MOK: variants seen among roughly 807,000 people sequenced by gnomAD.
MOK encodes the protein MAPK/MAK/MRK overlapping kinase.
A neutral mutation model predicts 54.2 loss-of-function variants in MOK; 59 were observed. That is an observed-to-expected ratio of 1.09 (90% confidence interval 0.88 to 1.35). The LOEUF (loss-of-function observed/expected upper bound fraction) is 1.35. Among genes scored for constraint, MOK ranks in the 40% most tolerant of loss-of-function variants. MOK has a pLI of 0.00. For missense variants in MOK, 517 were observed against 526.2 expected (o/e 0.98, Z 0.17); for synonymous variants, 210 against 202.7 (o/e 1.04, Z -0.31).
chr14:102,260,635 A>G (rs1435118378), intron 4 of MOK: 1 of 152,148 alleles, frequency 6.6e-6, no homozygotes, highest in Non-Finnish European at 1.5e-5. Flanking sequence ...TGTTGCTCAC[A>G]GCATCTCAGA....
chr14:102,269,671 C>G (rs540996553), intron 2 of MOK, among the ~76,000 whole-genome samples: 1 of 151,816 alleles, frequency 6.6e-6, no homozygotes, highest in South Asian at 2.1e-4. Flanking sequence ...CAAGGTTTCA[C>G]CATGTTGGCC....
rs536595676 is a variant in MOK at position 102,245,962 on chromosome 14, C to T, written c.590+4850G>A. 1.3e-5 allele frequency: 2 copies of T among 153,022 alleles called. No individual in the cohort carries two copies. The highest frequency in any genetic ancestry group is 4.8e-5 in the African/African-American group (2 of 41,558). 9.5% of individuals were successfully genotyped at this position (153,022 alleles called of 1,614,324 possible). Reference sequence around the variant, plus strand: ...AGAAGAAACTTCACATCAGTAAATCCATCCATCTCAAACAGGTTTAAAGTA... The same window carrying T: ...AGAAGAAACTTCACATCAGTAAATCTATCCATCTCAAACAGGTTTAAAGTA... On this transcript the variant is annotated intron_variant, in intron 7 of 11. Coordinates refer to ENST00000361847, the MANE Select transcript of MOK (RefSeq NM_014226.3). The surrounding 1 kb of genome is among the most constrained non-coding windows in gnomAD (Gnocchi z 4.3).
At chr14:102,287,417 A>G (rs1167474108) in intron 1 of MOK, among the ~76,000 whole-genome samples, 1 of 152,216 alleles carries the variant, frequency 6.6e-6, no homozygotes, top group Non-Finnish European at 1.5e-5. Flanking sequence ...GGCCAGCCTG[A>G]CCAAGATGAT....
At chr14:102,234,459 G>A (rs2065033079) in intron 7 of MOK, among the ~76,000 whole-genome samples, 1 of 152,074 alleles carries the variant, frequency 6.6e-6, no homozygotes, top group African/African-American at 2.4e-5. Flanking sequence ...ACCCAGCGCT[G>A]GGCCAAGGGC....
At chr14:102,299,345 C>A (rs1436038127) in intron 1 of MOK, among the ~76,000 whole-genome samples, 1 of 152,096 alleles carries the variant, frequency 6.6e-6, no homozygotes, top group African/African-American at 2.4e-5. Flanking sequence ...GAAACCCCAT[C>A]TTTACTAAAA....
At chr14:102,216,336 A>G in the MOK span, among the ~76,000 whole-genome samples, 746 of 152,342 alleles carry the variant, frequency 4.9e-3, 4 homozygotes, top group Middle Eastern at 0.01. Context: ...TTTTTGAGAC[A>G]GGGTCTCGCT....
chr14:102,283,444 T>A, intron 2 of MOK, 34 bp downstream of exon 2: 1 of 1,397,674 alleles, frequency 7.2e-7, no homozygotes, highest in Non-Finnish European at 9.9e-7. Flanking sequence ...AACTTGGATC[T>A]GTGTTTGGTC....
intron 1 of MOK, among the ~76,000 whole-genome samples, chr14:102,296,971 T>C (rs2071491001): frequency 6.6e-6 from 1 of 152,008 alleles, no homozygotes; most frequent in Non-Finnish European, 1.5e-5. Flanking sequence ...GGTGGGAGAA[T>C]ACCTTGAACC....
intron 1 of MOK, among the ~76,000 whole-genome samples, chr14:102,300,261 T>C (rs2072017252): frequency 6.9e-6 from 1 of 145,620 alleles, no homozygotes; most frequent in Non-Finnish European, 1.5e-5. Context: ...GAGGTGGAGG[T>C]TGCAGTGAGC....
At chr14:102,237,750 C>T (rs1358192041) in intron 7 of MOK, among the ~76,000 whole-genome samples, 1 of 152,270 alleles carries the variant, frequency 6.6e-6, no homozygotes, top group East Asian at 1.9e-4. Flanking sequence ...CTTCCTTTGC[C>T]CCTGTAGCCT....
intron 2 of MOK, among the ~76,000 whole-genome samples, chr14:102,272,598 T>A (rs935918369): frequency 6.6e-6 from 1 of 152,126 alleles, no homozygotes. Flanking sequence ...CCAGCTATAC[T>A]GGGAATGCAA....
chr14:102,220,449 T>C (rs982856008), downstream of MOK, among the ~76,000 whole-genome samples: 4 of 152,202 alleles, frequency 2.6e-5, no homozygotes, highest in Non-Finnish European at 5.9e-5. This position sits in a 1 kb window ranked among gnomAD's most constrained non-coding sequence, Gnocchi z 4.2. Flanking sequence ...ATTGGCCAGG[T>C]GCGGTGGCTC....
chr14:102,242,254 G>A (rs2065779064), intron 7 of MOK, among the ~76,000 whole-genome samples: 1 of 152,126 alleles, frequency 6.6e-6, no homozygotes, highest in African/African-American at 2.4e-5. Context: ...CCACAATTGT[G>A]GGTATTGACG....
intron 7 of MOK, among the ~76,000 whole-genome samples, chr14:102,248,671 G>A (rs1015045400): frequency 2.0e-5 from 3 of 151,506 alleles, no homozygotes; most frequent in Non-Finnish European, 2.9e-5. Flanking sequence ...CCAGCTACTC[G>A]GGAGTCTGAG....
intron 1 of MOK, among the ~76,000 whole-genome samples, chr14:102,295,643 G>C (rs1206057688): frequency 6.6e-6 from 1 of 152,114 alleles, no homozygotes; most frequent in Non-Finnish European, 1.5e-5. Context: ...CTAAAACAAG[G>C]TCAGGAAGCT....
chr14:102,289,489 C>A (rs2070512775), intron 1 of MOK, among the ~76,000 whole-genome samples: 1 of 151,916 alleles, frequency 6.6e-6, no homozygotes, highest in Non-Finnish European at 1.5e-5. Context: ...TTTTAAGCTC[C>A]TGTTTTTTAT....
At chr14:102,225,038 A>G (rs1206512876), downstream of MOK, 6 of 324,304 alleles carry the variant, frequency 1.9e-5, no homozygotes, top group Non-Finnish European at 3.6e-5. Context: ...GGAAGGCAGA[A>G]GGAACTACTT....
chr14:102,242,137 G>A (rs983526824), intron 7 of MOK, among the ~76,000 whole-genome samples: 1 of 152,186 alleles, frequency 6.6e-6, no homozygotes, highest in Non-Finnish European at 1.5e-5. Flanking sequence ...AAGCCTCCTG[G>A]ACCATCACAG....
chr14:102,218,349 G>T, the MOK span, among the ~76,000 whole-genome samples: 1 of 152,164 alleles, frequency 6.6e-6, no homozygotes, highest in Admixed American at 6.5e-5. Context: ...GCCAGGGGTC[G>T]TGGGGGTCAG....
Sources: gnomAD v4.1 joint callset for allele counts (sites outside exome capture counted in the v4.1 genomes callset) on GRCh38, gnomAD v4.1.1 for gene constraint, Gnocchi (gnomAD v3.1) non-coding constraint, MANE v1.5 for transcripts, NCBI Gene and HGNC (gene_info 2026-07-23, HGNC 2026-07-21) for gene names.